SYNGR1: variants seen among roughly 807,000 people sequenced by gnomAD.
SYNGR1 encodes synaptogyrin 1, also known as synaptogyrin-1.
SYNGR1 carries 14 observed loss-of-function variants against 26.1 expected under a neutral mutation model. The ratio of observed to expected loss-of-function variants is 0.54; its 90% CI spans 0.35 to 0.84. The LOEUF (loss-of-function observed/expected upper bound fraction) is 0.84, where lower values mean the gene tolerates loss of function less well. SYNGR1 is among the 40% of genes least tolerant of loss of function. The pLI is 0.01. For synonymous variants in SYNGR1, 141 were observed against 150.1 expected, an observed-to-expected ratio of 0.94 and a Z score of 0.44; for missense variants, 319 against 332.9, an observed-to-expected ratio of 0.96 and a Z score of 0.33.
chr22:39,375,601 T>A, intron 2 of SYNGR1: 1 of 402,088 alleles, frequency 2.5e-6, no homozygotes, highest in South Asian at 4.4e-5. Flanking sequence ...CATACCTCAT[T>A]TGTCTGGCAG....
chr22:39,361,663 C>A (rs1924477050), intron 1 of SYNGR1, among the ~76,000 whole-genome samples: 1 of 151,490 alleles, frequency 6.6e-6, no homozygotes, highest in African/African-American at 2.4e-5. Context: ...CCCGGCCAAT[C>A]CTGCCCTTCT....
intron 1 of SYNGR1, among the ~76,000 whole-genome samples, chr22:39,354,703 G>C (rs1440216417): frequency 6.6e-6 from 1 of 152,176 alleles, no homozygotes; most frequent in African/African-American, 2.4e-5. Flanking sequence ...GCTGAGCGTG[G>C]TGGCGGTCGC....
At position 39,350,390 on chromosome 22, in the gene SYNGR1, T is replaced by C. The variant is rs1382233536; in HGVS notation, c.99+281T>C. 6.6e-6 allele frequency among the ~76,000 whole-genome samples: 1 copy of C among 152,104 alleles called. No homozygotes were observed. The highest frequency in any genetic ancestry group is 2.4e-5 in the African/African-American group (1 of 41,436). ...TCGTGCGCCCCCCTTCCCGCCCCGATTGCTGTGACCTCCAGGCCGCGGCTA... is the reference window on the plus strand; with the variant it reads ...TCGTGCGCCCCCCTTCCCGCCCCGACTGCTGTGACCTCCAGGCCGCGGCTA... On this transcript the variant is annotated intron_variant, in intron 1 of 3. Coordinates refer to ENST00000328933, the MANE Select transcript of SYNGR1 (RefSeq NM_004711.5). The surrounding 1 kb of genome is among the most constrained non-coding windows in gnomAD (Gnocchi z 4.3).
chr22:39,378,035 A>G, intron 3 of SYNGR1: 1 of 1,194,676 alleles, frequency 8.4e-7, no homozygotes, highest in Non-Finnish European at 1.1e-6. Flanking sequence ...GTTACCAGGT[A>G]GGTAGCGGCC....
intron 3 of SYNGR1, chr22:39,380,138 A>G (rs896122203): frequency 6.7e-5 from 10 of 149,902 alleles, no homozygotes; most frequent in African/African-American, 2.5e-4. Context: ...TGCTGTAGAC[A>G]AGTCTTTCCC....
At position 39,384,968 on chromosome 22, in the gene SYNGR1, G is replaced by A; in HGVS notation, c.*3054G>A. 1 of 398,816 alleles carries A rather than the reference G, an allele frequency of 2.5e-6. No homozygotes were observed. Among genetic ancestry groups the A allele is most frequent in the East Asian group, 3.5e-5 (1 of 28,208 alleles). The allele number at this position is 398,816 out of a possible 1,614,324, so 24.7% of individuals were successfully genotyped here. A position where few individuals can be genotyped will look rare whatever the true frequency, so the allele number is the denominator to read the frequency against. ...TGCCTGCACGGCTCCTATCCACCTG[G>A]GGGTGTCGCAGTTGAGGGGCTAATT... On this transcript the variant is annotated 3_prime_UTR_variant, in exon 4 of 4. Coordinates refer to ENST00000328933, the MANE Select transcript of SYNGR1 (RefSeq NM_004711.5).
At chr22:39,361,451 G>A (rs555204446) in intron 1 of SYNGR1, among the ~76,000 whole-genome samples, 3 of 148,564 alleles carry the variant, frequency 2.0e-5, no homozygotes, top group South Asian at 4.2e-4. Flanking sequence ...CTCCACAATC[G>A]GGGTCAACCG....
intron 1 of SYNGR1, among the ~76,000 whole-genome samples, chr22:39,364,549 G>T (rs1317753240): frequency 6.6e-6 from 1 of 152,206 alleles, no homozygotes; most frequent in Non-Finnish European, 1.5e-5. Context: ...CAAGGCTCAG[G>T]GTGGGAAAGA....
intron 1 of SYNGR1, among the ~76,000 whole-genome samples, chr22:39,366,489 T>C (rs938807907): frequency 8.6e-5 from 13 of 151,900 alleles, no homozygotes; most frequent in South Asian, 4.2e-4. Context: ...CTACTAAAAA[T>C]ATAAAACTTA....
chr22:39,360,649 C>T (rs965570442), intron 1 of SYNGR1, among the ~76,000 whole-genome samples: 9 of 152,234 alleles, frequency 5.9e-5, no homozygotes, highest in East Asian at 1.9e-4. Context: ...GAGCACGGGC[C>T]GGATGAGGTG....
chr22:39,373,950 A>G (rs1243740568), intron 1 of SYNGR1, among the ~76,000 whole-genome samples: 1 of 152,158 alleles, frequency 6.6e-6, no homozygotes, highest in Non-Finnish European at 1.5e-5. Context: ...GGGCAGGTCC[A>G]CAGCCCAGGA....
In SYNGR1 at chr22:39,374,442, G is replaced by T. The variant is rs200512399; in HGVS notation, c.226G>T (p.Val76Leu). The change falls in exon 2 of 4, where the codon GTG (valine) becomes TTG (leucine). Residue 76 changes from valine (V) to leucine (L), a missense_variant. Transcript: ENST00000328933. ...CTGCAGCTATGGCGTGGCCGTGGGC[G>T]TGCTCGCCTTCCTCACCTGCCTGCT... ...NACSYGVAVG[V>L]LAFLTCLLYL... 6.2e-7 allele frequency: 1 copy of T among 1,613,894 alleles called. No individual in the cohort carries two copies. The highest frequency in any genetic ancestry group is 8.5e-7 in the Non-Finnish European group (1 of 1,180,048).
Position 39,385,212 on chromosome 22 carries a change from G to A in SYNGR1, c.*3298G>A. 2.6e-6 allele frequency: 1 copy of A among 387,400 alleles called. No individual in the cohort carries two copies. Among genetic ancestry groups the A allele is most frequent in the Non-Finnish European group, 4.6e-6 (1 of 219,142 alleles). 24.0% of individuals were successfully genotyped at this position (387,400 alleles called of 1,614,324 possible). A position where few individuals can be genotyped will look rare whatever the true frequency, so the allele number is the denominator to read the frequency against. ...TATGGGAGAAGGGACTGGGCCGGCT[G>A]CCTCCCAGCGATGCACTTGACCTGA... On this transcript the variant is annotated 3_prime_UTR_variant, in exon 4 of 4. Coordinates refer to ENST00000328933, the MANE Select transcript of SYNGR1 (RefSeq NM_004711.5).
intron 1 of SYNGR1, among the ~76,000 whole-genome samples, chr22:39,365,985 C>CTT (rs1827895815): frequency 1.1e-5 from 1 of 87,584 alleles, no homozygotes; most frequent in African/African-American, 3.3e-5. Flanking sequence ...CGCTCAGCCC[C>CTT]TTCTTTTTTT....
At chr22:39,354,864 C>T (rs989378327) in intron 1 of SYNGR1, among the ~76,000 whole-genome samples, 5 of 147,140 alleles carry the variant, frequency 3.4e-5, no homozygotes, top group Admixed American at 6.8e-5. Context: ...AAAAGCTGAA[C>T]GTTTTTTGTA....
intron 1 of SYNGR1, among the ~76,000 whole-genome samples, chr22:39,368,813 G>T (rs1440058645): frequency 6.6e-6 from 1 of 152,196 alleles, no homozygotes; most frequent in African/African-American, 2.4e-5. Flanking sequence ...CCAGCCCCCG[G>T]AAGCATGTGT....
intron 3 of SYNGR1, 93 bp from the exon 4 acceptor site, chr22:39,381,603 T>C (rs1326505478): frequency 7.6e-7 from 1 of 1,319,836 alleles, no homozygotes; most frequent in Non-Finnish European, 1.1e-6. Context: ...CTGTGTCCTG[T>C]GAACTAACCA....
chr22:39,361,610 T>C (rs1473768862), intron 1 of SYNGR1, among the ~76,000 whole-genome samples: 4 of 151,976 alleles, frequency 2.6e-5, no homozygotes, highest in African/African-American at 9.7e-5. Context: ...TCCACCCGCC[T>C]CTGCCTCCCA....
At chr22:39,368,539 C>G (rs971939889) in intron 1 of SYNGR1, among the ~76,000 whole-genome samples, 12 of 152,230 alleles carry the variant, frequency 7.9e-5, no homozygotes, top group Non-Finnish European at 1.3e-4. Context: ...CCAGTCCCTC[C>G]GAAGCTATTC....
Sources: gnomAD v4.1 joint callset for allele counts (sites outside exome capture counted in the v4.1 genomes callset) on GRCh38, gnomAD v4.1.1 for gene constraint, Gnocchi (gnomAD v3.1) non-coding constraint, MANE v1.5 for transcripts, NCBI Gene and HGNC (gene_info 2026-07-23, HGNC 2026-07-21) for gene names.